CHERP: variants seen among roughly 807,000 people sequenced by gnomAD.
CHERP encodes the protein calcium homeostasis endoplasmic reticulum protein, also known as ERPROT 213-21.
CHERP carries 8 observed loss-of-function variants against 113.8 expected under a neutral mutation model. The ratio of observed to expected loss-of-function variants is 0.07; its 90% confidence interval spans 0.04 to 0.13. The LOEUF (loss-of-function observed/expected upper bound fraction) is 0.13, where lower values mean the gene tolerates loss of function less well. CHERP is among the 10% of genes least tolerant of loss of function. The pLI is 1.00. For missense variants in CHERP, 884 were observed against 1,298.2 expected, an observed-to-expected ratio of 0.68 and a Z score of 4.90; for synonymous variants, 559 against 524.5, an observed-to-expected ratio of 1.07 and a Z score of -0.90.
chr19:16,536,267 TTC>T (rs1380094074), intron 2 of CHERP, among the ~76,000 whole-genome samples: 9 of 152,146 alleles, frequency 5.9e-5, no homozygotes, highest in Admixed American at 2.0e-4. Context: ...GAGACACCCA[TTC>T]TGCCGGCAGA....
chr19:16,528,390 A>G (rs947384070), intron 8 of CHERP, 135 bp from the exon 9 acceptor site: 3 of 805,212 alleles, frequency 3.7e-6, no homozygotes, highest in South Asian at 2.1e-5. Context: ...CACTAAAACC[A>G]TGACTATCAC....
intron 8 of CHERP, 24 bp downstream of exon 8, chr19:16,529,624 G>A: frequency 6.5e-7 from 1 of 1,532,976 alleles, no homozygotes; most frequent in Non-Finnish European, 8.8e-7. Flanking sequence ...CCTGGGGGCA[G>A]GCTGAGCTGA....
At position 16,518,447 on chromosome 19, in the gene CHERP, C is replaced by G. The variant is rs947769134; in HGVS notation, c.*712G>C. On this transcript the variant is annotated 3_prime_UTR_variant, in exon 17 of 17. Coordinates refer to ENST00000546361, the MANE Select transcript of CHERP (RefSeq NM_006387.6). The stretch of plus-strand genomic sequence containing the variant: ...CCAGATAACAGCAAATGGCTACATT[C>G]CAGAAAAAAAATATCAACTTATACA... 1 of 152,038 alleles carries G rather than the reference C, an allele frequency of 6.6e-6. No individual in the cohort carries two copies. Among genetic ancestry groups the G allele is most frequent in the Non-Finnish European group, 1.5e-5 (1 of 68,006 alleles). 9.4% of individuals were successfully genotyped at this position (152,038 alleles called of 1,614,324 possible).
Position 16,520,390 on chromosome 19 carries a change from G to A in CHERP, c.2319C>T (p.Ser773=). 1 of 1,613,956 alleles carries A rather than the reference G, an allele frequency of 6.2e-7. No individual in the cohort carries two copies. The highest frequency in any genetic ancestry group is 8.5e-7 in the Non-Finnish European group (1 of 1,179,988). ...SYSRSRSRSC[S]RSYSRSRSRS... ...TAGATCTGGAGCGGGAGTAGGAACG[G>A]GAGCAGGAGCGCGACCTTGACCTTG... is the stretch of plus-strand genomic sequence containing the variant. Residue 773 remains serine, a synonymous_variant, in exon 14 of 17, where the codon TCC becomes TCT. Transcript: ENST00000546361. The surrounding 1 kb of genome is among the most constrained non-coding windows in gnomAD (Gnocchi z 4.0).
At chr19:16,531,741 C>T (rs561710907) in intron 5 of CHERP, among the ~76,000 whole-genome samples, 212 of 152,262 alleles carry the variant, frequency 1.4e-3, no homozygotes, top group Middle Eastern at 3.4e-3. Flanking sequence ...GAGCTGGTGC[C>T]GAGCCGCAAC....
chr19:16,524,977 C>G (rs2085647089), intron 10 of CHERP, among the ~76,000 whole-genome samples: 1 of 152,144 alleles, frequency 6.6e-6, no homozygotes, highest in African/African-American at 2.4e-5. Flanking sequence ...CCCGCCCTGC[C>G]CTCGCCACGC....
chr19:16,518,015 A>G lies in CHERP; in HGVS notation c.*1144T>C, dbSNP rs1325317837. ...AACAATTCACAGCTACAGGAAATCT[A>G]GAACAAAATCAAATATTCATCACGT... is the stretch of plus-strand genomic sequence containing the variant. On this transcript the variant is annotated 3_prime_UTR_variant, in exon 17 of 17. Transcript: ENST00000546361. The G allele has an allele frequency of 6.6e-6, 1 of 152,272 alleles. No individual in the cohort carries two copies. Among genetic ancestry groups the G allele is most frequent in the Non-Finnish European group, 1.5e-5 (1 of 68,056 alleles). The allele number at this position is 152,272 out of a possible 1,614,324, so 9.4% of individuals were successfully genotyped here. A position where few individuals can be genotyped will look rare whatever the true frequency, so the allele number is the denominator to read the frequency against.
rs2085607467 is a variant in CHERP at position 16,520,891 on chromosome 19, G to A, written c.2136C>T (p.Gly712=). ...PRNSEGWEQN[G]LYEFFRAKMR... ...TTTTTGCTCGGAAGAACTCATAGAG[G>A]CCGTTCTGCTCCCAGCCTTCACTGT... is the stretch of plus-strand genomic sequence containing the variant. Residue 712 remains glycine (G), a synonymous_variant, in exon 13 of 17, where the codon GGC becomes GGT. Coordinates refer to ENST00000546361, the MANE Select transcript of CHERP (RefSeq NM_006387.6). The surrounding 1 kb of genome is among the most constrained non-coding windows in gnomAD (Gnocchi z 4.0). The A allele has an allele frequency of 5.0e-6, 8 of 1,613,722 alleles. No homozygotes were observed. The highest frequency in any genetic ancestry group is 5.9e-6 in the Non-Finnish European group (7 of 1,180,036).
At chr19:16,541,798 T>C (rs2085781888) in intron 2 of CHERP, 72 bp downstream of exon 2, 2 of 1,478,356 alleles carry the variant, frequency 1.4e-6, no homozygotes, top group Admixed American at 2.0e-5. Context: ...AAGAGGTTTG[T>C]GGCAGAGCCC....
intron 1 of CHERP, 132 bp downstream of exon 1, chr19:16,542,222 G>T: frequency 9.2e-7 from 1 of 1,082,148 alleles, no homozygotes; most frequent in Non-Finnish European, 1.3e-6. Context: ...GGGGACCCAC[G>T]GGAGAGGCCG....
intron 2 of CHERP, among the ~76,000 whole-genome samples, chr19:16,538,786 C>G (rs112905767): frequency 1.3e-5 from 2 of 151,748 alleles, no homozygotes; most frequent in African/African-American, 2.4e-5. Flanking sequence ...TGGCCACCCC[C>G]CCGCCCCAGA....
At position 16,535,321 on chromosome 19, in the gene CHERP, T is replaced by A. The variant is rs1440271104; in HGVS notation, c.384+131A>T. The A allele has an allele frequency of 5.4e-6, 5 of 926,648 alleles. No individual in the cohort carries two copies. The highest frequency in any genetic ancestry group is 8.1e-6 in the Non-Finnish European group (5 of 616,122). The allele number at this position is 926,648 out of a possible 1,614,324, so 57.4% of individuals were successfully genotyped here. A position where few individuals can be genotyped will look rare whatever the true frequency, so the allele number is the denominator to read the frequency against. ...GGGCTGGGGGTGACAGTGGCTGACA[T>A]GCACCGAGCCCTGGGTGGCAGGGGG... On this transcript the variant is annotated intron_variant, in intron 3 of 16. Coordinates refer to ENST00000546361, the MANE Select transcript of CHERP (RefSeq NM_006387.6). This position sits in a 1 kb window ranked among gnomAD's most constrained non-coding sequence, Gnocchi z 4.3.
At chr19:16,533,517 G>A (rs1303845647) in intron 3 of CHERP, among the ~76,000 whole-genome samples, 1 of 152,208 alleles carries the variant, frequency 6.6e-6, no homozygotes, top group African/African-American at 2.4e-5. Flanking sequence ...CAGCACTTTG[G>A]GAGGCTGAGG....
rs771414095 is a variant in CHERP at position 16,529,715 on chromosome 19, C to T, written c.1062G>A (p.Thr354=). The T allele has an allele frequency of 7.5e-6, 12 of 1,598,896 alleles. No homozygotes were observed. The highest frequency in any genetic ancestry group is 1.3e-5 in the African/African-American group (1 of 74,740). The change falls in exon 8 of 17, where the codon ACG becomes ACA. Residue 354 remains threonine (T), a synonymous_variant. Coordinates refer to ENST00000546361, the MANE Select transcript of CHERP (RefSeq NM_006387.6). ...CCGGGGGTGGAGCAGGCGGTGGAGG[C>T]GTGGCCTTGACTTCAGCCTCCATCT... The part of the protein sequence containing the change: ...MPQMEAEVKA[T]PPPPAPPPAP...
Position 16,519,044 on chromosome 19 carries a change from A to G in CHERP, c.*115T>C, listed in dbSNP as rs138776573. 17 of 960,808 alleles carry G rather than the reference A, an allele frequency of 1.8e-5. No individual in the cohort carries two copies. Among genetic ancestry groups the G allele is most frequent in the Non-Finnish European group, 2.0e-5 (13 of 649,184 alleles). The allele number at this position is 960,808 out of a possible 1,614,324, so 59.5% of individuals were successfully genotyped here. ...CTTCCTTCTCTTCCTGTGGCTCTCC[A>G]CAAGTGGAGACGGTGTAAGAACTGA... is the stretch of plus-strand genomic sequence containing the variant. On this transcript the variant is annotated 3_prime_UTR_variant, in exon 17 of 17. Transcript: ENST00000546361. This position sits in a 1 kb window ranked among gnomAD's most constrained non-coding sequence, Gnocchi z 6.0.
Position 16,530,040 on chromosome 19 carries a change from AAC to A in CHERP, c.877-142_877-141del. The stretch of plus-strand genomic sequence containing the variant: ...CAGGGAACCGTCACGTGAAACAGCC[AAC>A]ACAGTCTGGGCAATCAGTGTGCGCT... On this transcript the variant is annotated intron_variant, in intron 7 of 16. Transcript: ENST00000546361. The surrounding 1 kb of genome is among the most constrained non-coding windows in gnomAD (Gnocchi z 4.1). 1.8e-6 allele frequency: 2 copies of A among 1,123,076 alleles called. No homozygotes were observed. Among genetic ancestry groups the A allele is most frequent in the Non-Finnish European group, 2.5e-6 (2 of 798,126 alleles). The allele number at this position is 1,123,076 out of a possible 1,614,324, so 69.6% of individuals were successfully genotyped here.
At position 16,528,198 on chromosome 19, in the gene CHERP, C is replaced by T; in HGVS notation, c.1187G>A (p.Gly396Glu). 1.2e-6 allele frequency: 2 copies of T among 1,608,754 alleles called. No individual in the cohort carries two copies. The highest frequency in any genetic ancestry group is 1.7e-6 in the Non-Finnish European group (2 of 1,178,292). Residue 396 changes from glycine to glutamate, a missense_variant, in exon 9 of 17, where the codon GGG becomes GAG. By Grantham distance (98) the Gly-to-Glu change is moderately conservative. Transcript: ENST00000546361. ...PGSSEYEAPG[G>E]VQDPAAAGPR... is the part of the protein sequence containing the mutation. ...GCCGGCAGCTGCAGGATCCTGGACC[C>T]CTCCTGGAGCTTCGTACTCTGAAGA... is the stretch of plus-strand genomic sequence containing the variant.
chr19:16,525,224 AG>A lies in CHERP; in HGVS notation c.1741+17del, dbSNP rs2122255161. On this transcript the variant is annotated intron_variant, in intron 10 of 16. Transcript: ENST00000546361. This position sits in a 1 kb window ranked among gnomAD's most constrained non-coding sequence, Gnocchi z 6.5. ...TGGATGCCTCCGCCAGGCCCTACCC[AG>A]GCGCCCGTACACTCACCGGCAGGGA... 1 of 1,408,502 alleles carries A rather than the reference AG, an allele frequency of 7.1e-7. No homozygotes were observed. The highest frequency in any genetic ancestry group is 2.8e-5 in the East Asian group (1 of 35,430). 87.3% of individuals were successfully genotyped at this position (1,408,502 alleles called of 1,614,324 possible).
chr19:16,541,546 C>T, intron 2 of CHERP: 1 of 260,092 alleles, frequency 3.8e-6, no homozygotes, highest in South Asian at 8.4e-5. Context: ...TCCCATCCGG[C>T]CTCTATCACT....
Sources: allele counts gnomAD v4.1 joint callset (sites outside exome capture counted in the v4.1 genomes callset), GRCh38; gene constraint gnomAD v4.1.1; non-coding constraint Gnocchi (gnomAD v3.1); transcripts MANE v1.5; gene names NCBI Gene and HGNC (gene_info 2026-07-23, HGNC 2026-07-21).